Variants in NLRC5 observed in about 807,000 individuals in gnomAD.
The protein encoded by NLRC5 is protein NLRC5.
Under a neutral mutation model 206.9 loss-of-function variants are expected in NLRC5, and 114 were observed. That is an observed-to-expected ratio of 0.55 (90% CI 0.47 to 0.64). NLRC5 has a LOEUF of 0.64. NLRC5 is among the 30% of genes least tolerant of loss of function. NLRC5 has a pLI of 0.00. For missense variants in NLRC5, 2,008 were observed against 2,305.5 expected, an observed-to-expected ratio of 0.87 and a Z score of 2.64; for synonymous variants, 952 against 962.8, an observed-to-expected ratio of 0.99 and a Z score of 0.21.
chr16:57,022,388 G>A (rs2060774102), intron 4 of NLRC5, 73 bp downstream of exon 4: 16 of 549,198 alleles, frequency 2.9e-5, no homozygotes, highest in Non-Finnish European at 4.3e-5. Flanking sequence ...GCTGGAGGAG[G>A]CTGTGGAGGC....
chr16:57,058,150 T>G lies in NLRC5; in HGVS notation c.3830+2T>G, dbSNP rs761701598. ...GGTGCCCATCTCCGGTTTGCTTGAG[T>G]AAGTGGAAAGCAGCATAAAGGACAG... On this transcript the variant is annotated splice_donor_variant, in intron 28 of 48. Transcript: ENST00000688547. LOFTEE classifies it high-confidence loss of function. The G allele has an allele frequency of 6.2e-7, 1 of 1,605,030 alleles. No homozygotes were observed. Among genetic ancestry groups the G allele is most frequent in the Non-Finnish European group, 8.5e-7 (1 of 1,174,534 alleles).
rs2063204343 is a variant in NLRC5 at position 57,040,927 on chromosome 16, C to T, written c.2939+209C>T. Reference sequence around the variant, plus strand: ...GGGCTCACAAGGCAGCCCCGTCAACCACCTTCCCAAGCCCAGGAGACCCCA... The same window carrying T: ...GGGCTCACAAGGCAGCCCCGTCAACTACCTTCCCAAGCCCAGGAGACCCCA... On this transcript the variant is annotated intron_variant, in intron 17 of 48. Transcript: ENST00000688547. Among the ~76,000 whole-genome samples, 12 of 152,216 alleles carry T rather than the reference C, an allele frequency of 7.9e-5. No homozygotes were observed. In the South Asian group the frequency reaches 2.5e-3, roughly 32 times the overall value.
chr16:57,051,160 C>T lies in NLRC5; in HGVS notation c.3423-378C>T, dbSNP rs79539537. Among the ~76,000 whole-genome samples, 807 of 152,254 alleles carry T rather than the reference C, an allele frequency of 5.3e-3. 11 individuals are homozygous for T. Among genetic ancestry groups the T allele is most frequent in the African/African-American group, 0.019 (780 of 41,552 alleles). ...AGGCATGAGCCACCATGCCCAGCTG[C>T]ATTCTTTTCTTAACAAACATGTTTT... On this transcript the variant is annotated intron_variant, in intron 23 of 48. Coordinates refer to ENST00000688547, the MANE Select transcript of NLRC5 (RefSeq NM_001384950.1).
chr16:57,025,060 C>G (rs1225536700), intron 5 of NLRC5, among the ~76,000 whole-genome samples: 4 of 152,122 alleles, frequency 2.6e-5, no homozygotes, highest in African/African-American at 4.8e-5. Context: ...TATTCCCCTC[C>G]CCCCATCTTA....
chr16:57,054,780 GC>G lies in NLRC5; in HGVS notation c.3540del (p.Phe1181SerfsTer7). 6.2e-7 allele frequency: 1 copy of G among 1,613,900 alleles called. No homozygotes were observed. Among genetic ancestry groups the G allele is most frequent in the East Asian group, 2.2e-5 (1 of 44,860 alleles). On this transcript the variant is annotated frameshift_variant, in exon 25 of 49. Transcript: ENST00000688547. LOFTEE classifies it high-confidence loss of function. ...QLSQTGLSPK[S>X]PFLLANTLSL... is the part of the protein sequence containing the mutation. ...AGCCAGACGGGACTGTCCCCGAAAA[GC>G]CCCTTCCTGCTGGCCAACACCTTAA...
At chr16:57,079,761 T>G (rs2068894958) in intron 46 of NLRC5, 132 bp downstream of exon 46, 1 of 661,364 alleles carries the variant, frequency 1.5e-6, no homozygotes, top group African/African-American at 1.8e-5. Context: ...CATTTGTAAA[T>G]GGGGAAGATC....
chr16:57,037,307 G>T, intron 15 of NLRC5, 23 bp downstream of exon 15: 3 of 1,590,724 alleles, frequency 1.9e-6, no homozygotes, highest in Non-Finnish European at 2.6e-6. Context: ...TCAGACCACG[G>T]TACCCATCCC....
intron 11 of NLRC5, 66 bp downstream of exon 11, chr16:57,031,529 G>A (rs1239662022): frequency 1.3e-6 from 2 of 1,497,144 alleles, no homozygotes; most frequent in East Asian, 4.5e-5. Flanking sequence ...AGGCAGTTGA[G>A]GGGAAAGGTG....
chr16:57,035,498 A>C (rs543146198), intron 13 of NLRC5, among the ~76,000 whole-genome samples: 1 of 151,952 alleles, frequency 6.6e-6, no homozygotes, highest in Non-Finnish European at 1.5e-5. Context: ...ATCCAGACAC[A>C]CTGGCTCTCT....
chr16:57,008,005 C>A lies in NLRC5; in HGVS notation c.-127-9069C>A, dbSNP rs138661084. Among the ~76,000 whole-genome samples the A allele has an allele frequency of 1.1e-4, 17 of 152,230 alleles. No homozygotes were observed. The East Asian group carries it at 2.1e-3, about 19-fold the overall frequency. The stretch of plus-strand genomic sequence containing the variant: ...ATTTTAATTTATATCTGATCAGTTT[C>A]ATCCAGTTGTTTTTTTCTTTTTTCA... On this transcript the variant is annotated intron_variant, in intron 1 of 48. Coordinates refer to ENST00000688547, the MANE Select transcript of NLRC5 (RefSeq NM_001384950.1).
intron 17 of NLRC5, 199 bp from the exon 18 acceptor site, chr16:57,041,286 C>A: frequency 1.8e-6 from 1 of 555,844 alleles, no homozygotes; most frequent in Non-Finnish European, 3.2e-6. Context: ...CTCTGCCCAC[C>A]CTCTGCCTAT....
At chr16:57,069,772 C>T (rs2067431554) in intron 36 of NLRC5, 64 bp from the exon 37 acceptor site, 8 of 1,334,398 alleles carry the variant, frequency 6.0e-6, no homozygotes, top group Non-Finnish European at 8.4e-6. Context: ...CTGCCACCAG[C>T]ATTCAGAGCT....
At chr16:57,047,379 G>A (rs2064132013) in intron 22 of NLRC5, among the ~76,000 whole-genome samples, 166 bp from the exon 23 acceptor site, 1 of 152,084 alleles carries the variant, frequency 6.6e-6, no homozygotes, top group African/African-American at 2.4e-5. Context: ...AGGAGGATTG[G>A]GGGCTGCAGG....
At chr16:57,013,592 A>T in intron 1 of NLRC5, 1 of 1,120,004 alleles carries the variant, frequency 8.9e-7, no homozygotes, top group South Asian at 1.2e-5. Flanking sequence ...TTTCTCAACA[A>T]GTTGATTTTC....
intron 38 of NLRC5, 98 bp from the exon 39 acceptor site, chr16:57,074,502 G>A (rs2068121478): frequency 3.2e-5 from 32 of 988,020 alleles, no homozygotes; most frequent in Admixed American, 1.7e-4. Flanking sequence ...GGCTGTCTTG[G>A]AGGTCCCTAG....
chr16:57,012,423 G>A (rs1213672022), intron 1 of NLRC5, among the ~76,000 whole-genome samples: 5 of 152,114 alleles, frequency 3.3e-5, no homozygotes, highest in Non-Finnish European at 7.4e-5. Flanking sequence ...ACATTCTAAG[G>A]CAGGGGTCCC....
intron 1 of NLRC5, among the ~76,000 whole-genome samples, chr16:57,000,210 G>A (rs1306202508): frequency 6.6e-6 from 1 of 152,176 alleles, no homozygotes; most frequent in Non-Finnish European, 1.5e-5. Context: ...GGCTGAGCAG[G>A]AGAAGCAAGG....
intron 1 of NLRC5, among the ~76,000 whole-genome samples, chr16:57,000,543 G>A (rs2058123463): frequency 6.6e-6 from 1 of 152,048 alleles, no homozygotes; most frequent in Admixed American, 6.6e-5. Context: ...GCCAGGCAGG[G>A]AGACACCTCT....
chr16:57,059,141 AC>A, intron 29 of NLRC5, 80 bp downstream of exon 29: 1 of 1,609,876 alleles, frequency 6.2e-7, no homozygotes, highest in Non-Finnish European at 8.5e-7. Context: ...GAAGCAAGGC[AC>A]CCACACTTTG....
Sources: allele counts gnomAD v4.1 joint callset (sites outside exome capture counted in the v4.1 genomes callset), GRCh38; gene constraint gnomAD v4.1.1; transcripts MANE v1.5; gene names NCBI Gene and HGNC (gene_info 2026-07-23, HGNC 2026-07-21).